Variants in SLC44A1 observed in about 807,000 individuals in gnomAD.
SLC44A1 encodes the protein solute carrier family 44 member 1, also known as choline transporter-like protein 1.
A neutral mutation model predicts 79.3 loss-of-function variants in SLC44A1; 26 were observed. The observed-to-expected ratio is 0.33, with a 90% CI of 0.24 to 0.46. The LOEUF (loss-of-function observed/expected upper bound fraction) is 0.46. Among genes scored for constraint, SLC44A1 ranks in the 20% least tolerant of loss-of-function variants. The pLI is 1.00. For synonymous variants in SLC44A1, 263 were observed against 286.2 expected (o/e 0.92, Z 0.82); for missense variants, 688 against 798.1 (o/e 0.86, Z 1.66).
At chr9:105,354,330 G>C (rs370755869) in intron 5 of SLC44A1, among the ~76,000 whole-genome samples, 1 of 151,962 alleles carries the variant, frequency 6.6e-6, no homozygotes, top group Non-Finnish European at 1.5e-5. Context: ...GATTACAGGC[G>C]TGAGCCACCG....
At chr9:105,380,586 G>A (rs1828430826) in intron 13 of SLC44A1, among the ~76,000 whole-genome samples, 1 of 151,780 alleles carries the variant, frequency 6.6e-6, no homozygotes, top group Non-Finnish European at 1.5e-5. Flanking sequence ...TCAAATAAAT[G>A]TAAATATTTA....
At chr9:105,270,143 A>AT (rs1263719545) in intron 1 of SLC44A1, among the ~76,000 whole-genome samples, 3 of 152,026 alleles carry the variant, frequency 2.0e-5, no homozygotes, top group East Asian at 3.9e-4. Context: ...ATCACAACAC[A>AT]TGACAGCTCT....
At chr9:105,327,038 A>G (rs7860539) in intron 3 of SLC44A1, among the ~76,000 whole-genome samples, 14,683 of 152,164 alleles carry the variant, frequency 0.096, 1,754 homozygotes, top group African/African-American at 0.29. Flanking sequence ...GCTAAGCATT[A>G]TGTTTAATTT....
intron 15 of SLC44A1, among the ~76,000 whole-genome samples, chr9:105,409,001 T>G (rs1829063669): frequency 6.6e-6 from 1 of 152,026 alleles, no homozygotes; most frequent in African/African-American, 2.4e-5. Flanking sequence ...ATCAAAATAA[T>G]ACACTAGAAA....
Position 105,356,208 on chromosome 9 carries a change from C to T in SLC44A1, c.501-4C>T. On this transcript the variant is annotated splice_region_variant and splice_polypyrimidine_tract_variant and intron_variant, in intron 5 of 15. Coordinates refer to ENST00000374720, the MANE Select transcript of SLC44A1 (RefSeq NM_080546.5). ...TTTCTGATTTTTTTTTCTTGTGTCA[C>T]CAGTGCACCTATTCCATTCTTCCAT... The T allele has an allele frequency of 6.2e-7, 1 of 1,609,388 alleles. No homozygotes were observed. Among genetic ancestry groups the T allele is most frequent in the Non-Finnish European group, 8.5e-7 (1 of 1,178,078 alleles).
intron 1 of SLC44A1, among the ~76,000 whole-genome samples, chr9:105,277,675 A>T (rs1187574745): frequency 6.6e-6 from 1 of 152,236 alleles, no homozygotes; most frequent in African/African-American, 2.4e-5. Flanking sequence ...AATAGGGCTG[A>T]TGGGAGTTGG....
At chr9:105,258,961 T>C (rs1348096516) in intron 1 of SLC44A1, among the ~76,000 whole-genome samples, 1 of 151,968 alleles carries the variant, frequency 6.6e-6, no homozygotes, top group Non-Finnish European at 1.5e-5. Context: ...CGCCTAGGCC[T>C]CCCAAAATGC....
intron 1 of SLC44A1, among the ~76,000 whole-genome samples, chr9:105,284,705 G>A (rs1032466243): frequency 3.3e-5 from 5 of 152,138 alleles, no homozygotes; most frequent in African/African-American, 1.2e-4. Flanking sequence ...TATGGAGTCT[G>A]TCATGAAGTC....
At chr9:105,316,661 G>C (rs978122628) in intron 3 of SLC44A1, among the ~76,000 whole-genome samples, 3 of 152,188 alleles carry the variant, frequency 2.0e-5, no homozygotes, top group African/African-American at 7.2e-5. Flanking sequence ...AAAATACATA[G>C]AGAAATTATG....
intron 1 of SLC44A1, among the ~76,000 whole-genome samples, chr9:105,275,499 C>G (rs935238675): frequency 6.6e-6 from 1 of 152,184 alleles, no homozygotes; most frequent in African/African-American, 2.4e-5. Flanking sequence ...AGGCCTGTCC[C>G]TGAGGGATCC....
chr9:105,346,678 G>A (rs1171871232), intron 4 of SLC44A1, among the ~76,000 whole-genome samples: 1 of 151,846 alleles, frequency 6.6e-6, no homozygotes, highest in Non-Finnish European at 1.5e-5. Flanking sequence ...GTAATCTAGT[G>A]GCATTATATT....
rs543724374 is a variant in SLC44A1 at position 105,382,018 on chromosome 9, G to T, written c.1633-1105G>T. On this transcript the variant is annotated intron_variant, in intron 13 of 15. Transcript: ENST00000374720. Reference sequence around the variant, plus strand: ...ACAAAATAAAGAGCTGGGAAAGAGTGTGTCTAGAATTCAGTAGAATCCATT... The same window carrying T: ...ACAAAATAAAGAGCTGGGAAAGAGTTTGTCTAGAATTCAGTAGAATCCATT... 1.6e-4 allele frequency among the ~76,000 whole-genome samples: 24 copies of T among 152,256 alleles called. No homozygotes were observed. In the East Asian group the frequency reaches 4.4e-3, roughly 28 times the overall value.
intron 15 of SLC44A1, among the ~76,000 whole-genome samples, chr9:105,435,363 C>G (rs111456341): frequency 6.6e-6 from 1 of 151,994 alleles, no homozygotes; most frequent in Non-Finnish European, 1.5e-5. Flanking sequence ...GGGCTGAGTC[C>G]GAGAAAGGAG....
rs1394262462 is a variant in SLC44A1, at chr9:105,392,854, T to C, written c.*3798T>C. The C allele has an allele frequency of 2.0e-6, 2 of 985,272 alleles. No homozygotes were observed. The highest frequency in any genetic ancestry group is 2.4e-6 in the Non-Finnish European group (2 of 829,884). The allele number at this position is 985,272 out of a possible 1,614,324, so 61.0% of individuals were successfully genotyped here. On this transcript the variant is annotated 3_prime_UTR_variant, in exon 16 of 16. Coordinates refer to ENST00000374720, the MANE Select transcript of SLC44A1 (RefSeq NM_080546.5). ...TAACCTTGTCATTTAAATTGGACTT[T>C]CCAATAGCCTTAACATGGCCTCTGA...
chr9:105,356,949 A>G (rs902067688), intron 6 of SLC44A1, among the ~76,000 whole-genome samples: 8 of 152,172 alleles, frequency 5.3e-5, no homozygotes, highest in African/African-American at 1.9e-4. Context: ...AAAACTCCCT[A>G]TATTATTCTA....
rs140027444 is a variant in SLC44A1, at chr9:105,292,079, A to G, written c.37-7141A>G. On this transcript the variant is annotated intron_variant, in intron 1 of 15. Transcript: ENST00000374720. ...GCAGGCTTAACCCTGCCCATATACC[A>G]CTTCTCTTCCCTGGGACCAGCCTCC... Among the ~76,000 whole-genome samples the G allele has an allele frequency of 9.1e-4, 138 of 152,208 alleles. 1 individual carries two copies. The highest frequency in any genetic ancestry group is 9.6e-4 in the Non-Finnish European group (65 of 68,006).
At chr9:105,398,522 A>G (rs2131496400), downstream of SLC44A1, among the ~76,000 whole-genome samples, 1 of 152,326 alleles carries the variant, frequency 6.6e-6, no homozygotes, top group East Asian at 1.9e-4. Flanking sequence ...GAGCCTGTGA[A>G]AAGCCTCACA....
chr9:105,267,877 G>A (rs562784998), intron 1 of SLC44A1, among the ~76,000 whole-genome samples: 8 of 152,094 alleles, frequency 5.3e-5, no homozygotes, highest in Admixed American at 2.0e-4. Flanking sequence ...GGTCTGGCTC[G>A]CCTTTTTCTT....
At chr9:105,258,791 G>A (rs896978071) in intron 1 of SLC44A1, among the ~76,000 whole-genome samples, 16 of 152,168 alleles carry the variant, frequency 1.1e-4, no homozygotes, top group Middle Eastern at 3.4e-3. Context: ...GGATTCAAGG[G>A]ATTCTCATGC....
Sources: allele counts gnomAD v4.1 joint callset (sites outside exome capture counted in the v4.1 genomes callset), GRCh38; gene constraint gnomAD v4.1.1; transcripts MANE v1.5; gene names NCBI Gene and HGNC (gene_info 2026-07-23, HGNC 2026-07-21).